The following CACNG2 variants were observed in gnomAD, a reference collection of about 807,000 sequenced individuals.
The protein encoded by CACNG2 is calcium voltage-gated channel auxiliary subunit gamma 2, also known as voltage-dependent calcium channel gamma-2 subunit.
CACNG2 carries 3 observed loss-of-function variants against 25.9 expected under a neutral mutation model. The ratio of observed to expected loss-of-function variants is 0.12; its 90% CI spans 0.05 to 0.30. The LOEUF (loss-of-function observed/expected upper bound fraction) is 0.30. Among genes scored for constraint, CACNG2 ranks in the 10% least tolerant of loss-of-function variants. CACNG2 has a pLI of 1.00. For synonymous variants in CACNG2, 167 were observed against 173.3 expected (o/e 0.96, Z 0.29); for missense variants, 341 against 432.5 (o/e 0.79, Z 1.88).
At chr22:36,628,316 A>G (rs1936215497) in intron 1 of CACNG2, among the ~76,000 whole-genome samples, 1 of 152,222 alleles carries the variant, frequency 6.6e-6, no homozygotes, top group African/African-American at 2.4e-5. Context: ...ATTGACCTTA[A>G]TCAACACCCT....
At chr22:36,578,614 T>A (rs932986403) in intron 2 of CACNG2, among the ~76,000 whole-genome samples, 1 of 152,154 alleles carries the variant, frequency 6.6e-6, no homozygotes, top group African/African-American at 2.4e-5. Flanking sequence ...CCCTGGCTCA[T>A]GTTCCCTGGT....
chr22:36,622,828 G>A (rs996077324), intron 1 of CACNG2, among the ~76,000 whole-genome samples: 3 of 151,652 alleles, frequency 2.0e-5, no homozygotes, highest in Non-Finnish European at 4.4e-5. Flanking sequence ...GGGTGGTGGC[G>A]CATGCCTGTA....
chr22:36,603,790 A>G (rs1352225228), intron 1 of CACNG2, among the ~76,000 whole-genome samples: 1 of 152,210 alleles, frequency 6.6e-6, no homozygotes, highest in Admixed American at 6.5e-5. Flanking sequence ...AAGATTTCCA[A>G]ATATTACTGC....
Position 36,564,611 on chromosome 22 carries a change from G to A in CACNG2, c.712C>T (p.Arg238Cys), listed in dbSNP as rs1157402464. 1.1e-5 allele frequency: 18 copies of A among 1,613,838 alleles called. No homozygotes were observed. Among genetic ancestry groups the A allele is most frequent in the Non-Finnish European group, 1.5e-5 (18 of 1,179,982 alleles). The change falls in exon 4 of 4, where the codon CGC becomes TGC. Residue 238 changes from arginine (R) to cysteine (C), a missense_variant. By Grantham distance (180) the Arg-to-Cys change is radical. Transcript: ENST00000300105. The surrounding 1 kb of genome is among the most constrained non-coding windows in gnomAD (Gnocchi z 6.7). ...GGCTCCGTGGAGCGCGAGCTGGAGC[G>A]GCTGCGGCGCTGGTAGCGGTAGCGG... Reference protein sequence around the residue: ...SYRYRYQRRSRSSSRSTEPSH... With the variant: ...SYRYRYQRRSCSSSRSTEPSH...
At chr22:36,655,347 A>G (rs1316744323) in intron 1 of CACNG2, among the ~76,000 whole-genome samples, 2 of 152,188 alleles carry the variant, frequency 1.3e-5, no homozygotes, top group African/African-American at 4.8e-5. Context: ...AGCCTCGATC[A>G]AGCGTCACCT....
chr22:36,611,269 G>A (rs1935935269), intron 1 of CACNG2, among the ~76,000 whole-genome samples: 1 of 152,170 alleles, frequency 6.6e-6, no homozygotes, highest in Non-Finnish European at 1.5e-5. Flanking sequence ...TCTGGTAGAG[G>A]TGATGGAGGG....
chr22:36,656,939 G>A (rs1328828410), intron 1 of CACNG2, among the ~76,000 whole-genome samples: 1 of 152,168 alleles, frequency 6.6e-6, no homozygotes, highest in African/African-American at 2.4e-5. Flanking sequence ...TTATCGATTG[G>A]TTGTCTGCCT....
intron 1 of CACNG2, among the ~76,000 whole-genome samples, chr22:36,596,066 A>G (rs1251674261): frequency 6.6e-6 from 1 of 152,268 alleles, no homozygotes; most frequent in Non-Finnish European, 1.5e-5. Context: ...GGGGCTGAAC[A>G]GACTCTGTTT....
At chr22:36,697,557 C>T (rs1937356176) in intron 1 of CACNG2, among the ~76,000 whole-genome samples, 1 of 152,182 alleles carries the variant, frequency 6.6e-6, no homozygotes, top group Non-Finnish European at 1.5e-5. Flanking sequence ...TCCTGTGTGC[C>T]TCATTCAGCT....
At chr22:36,690,158 C>T (rs1189006595) in intron 1 of CACNG2, among the ~76,000 whole-genome samples, 3 of 152,218 alleles carry the variant, frequency 2.0e-5, no homozygotes, top group South Asian at 2.1e-4. Flanking sequence ...GGAGGATTTG[C>T]AAACTTCGAC....
chr22:36,606,982 G>A lies in CACNG2; in HGVS notation c.212-19434C>T, dbSNP rs1261730036. ...TATTATGTGTATGTCTGTGTGTGGT[G>A]TGTTTGTATGTGTGTGGTGTGTGTG... On this transcript the variant is annotated intron_variant, in intron 1 of 3. Coordinates refer to ENST00000300105, the MANE Select transcript of CACNG2 (RefSeq NM_006078.5). This position sits in a 1 kb window ranked among gnomAD's most constrained non-coding sequence, Gnocchi z 5.7. Among the ~76,000 whole-genome samples, 1 of 151,232 alleles carries A rather than the reference G, an allele frequency of 6.6e-6. No individual in the cohort carries two copies. The highest frequency in any genetic ancestry group is 1.5e-5 in the Non-Finnish European group (1 of 67,860).
At chr22:36,690,874 A>T (rs899173683) in intron 1 of CACNG2, among the ~76,000 whole-genome samples, 14 of 152,230 alleles carry the variant, frequency 9.2e-5, no homozygotes, top group African/African-American at 3.1e-4. Context: ...TCACTCACTC[A>T]TTCATTCAAC....
At chr22:36,627,761 T>C (rs1444612633) in intron 1 of CACNG2, among the ~76,000 whole-genome samples, 1 of 151,976 alleles carries the variant, frequency 6.6e-6, no homozygotes, top group East Asian at 1.9e-4. Flanking sequence ...TAGCTGGGAC[T>C]ACAGGCGTGC....
intron 1 of CACNG2, among the ~76,000 whole-genome samples, chr22:36,679,667 T>C (rs1937071195): frequency 6.6e-6 from 1 of 152,192 alleles, no homozygotes; most frequent in South Asian, 2.1e-4. Flanking sequence ...CTCGTTTTTG[T>C]AACTGTTCCT....
intron 1 of CACNG2, among the ~76,000 whole-genome samples, chr22:36,699,161 C>T (rs1428416228): frequency 6.6e-6 from 1 of 151,510 alleles, no homozygotes; most frequent in African/African-American, 2.4e-5. Context: ...CTACCTGTAT[C>T]CACATACACA....
At chr22:36,666,096 A>G (rs1194707107) in intron 1 of CACNG2, among the ~76,000 whole-genome samples, 1 of 152,216 alleles carries the variant, frequency 6.6e-6, no homozygotes, top group Non-Finnish European at 1.5e-5. Context: ...TATGCTAATG[A>G]AATAAGCCAG....
At chr22:36,601,419 G>C (rs1015760057) in intron 1 of CACNG2, among the ~76,000 whole-genome samples, 2 of 152,144 alleles carry the variant, frequency 1.3e-5, no homozygotes, top group Non-Finnish European at 2.9e-5. Flanking sequence ...TCCATTGATG[G>C]ACATCTAGAT....
At chr22:36,691,871 T>C (rs1032036922) in intron 1 of CACNG2, among the ~76,000 whole-genome samples, 2 of 152,238 alleles carry the variant, frequency 1.3e-5, no homozygotes, top group African/African-American at 2.4e-5. Context: ...CCGTTGTTTT[T>C]CAGGATTACC....
Position 36,643,206 on chromosome 22 carries a change from CCTTCCTTCCTTG to C in CACNG2, c.212-55670_212-55659del, listed in dbSNP as rs910566568. Among the ~76,000 whole-genome samples the C allele has an allele frequency of 1.0e-4, 15 of 148,930 alleles. No homozygotes were observed. The South Asian group carries it at 1.9e-3, about 19-fold the overall frequency. On this transcript the variant is annotated intron_variant, in intron 1 of 3. Transcript: ENST00000300105. ...CCTTCCCTCTCCTTTCTTTCTCCTT[CCTTCCTTCCTTG>C]CTTCCTTCCTTCCCTTTTTGTCTTT...
Sources: allele counts gnomAD v4.1 joint callset (sites outside exome capture counted in the v4.1 genomes callset), GRCh38; gene constraint gnomAD v4.1.1; non-coding constraint Gnocchi (gnomAD v3.1); transcripts MANE v1.5; gene names NCBI Gene and HGNC (gene_info 2026-07-23, HGNC 2026-07-21).